The following IGF1 variants were observed in gnomAD, a reference collection of about 807,000 sequenced individuals.
The protein encoded by IGF1 is insulin-like growth factor 1.
IGF1 carries 4 observed loss-of-function variants against 13.8 expected under a neutral mutation model. The observed-to-expected ratio is 0.29, with a 90% CI of 0.14 to 0.66. The LOEUF is 0.66. Ranked by LOEUF, IGF1 falls within the 30% of genes least tolerant of loss-of-function variation. The probability of loss-of-function intolerance (pLI) is 0.78; values close to 1 mark genes in which losing one functional copy is unlikely to be tolerated. For synonymous variants in IGF1, 76 were observed against 72.6 expected, an observed-to-expected ratio of 1.05 and a Z score of -0.23; for missense variants, 124 against 188.5, an observed-to-expected ratio of 0.66 and a Z score of 2.00.
At chr12:102,432,448 A>G (rs1052794308) in intron 2 of IGF1, among the ~76,000 whole-genome samples, 2 of 152,212 alleles carry the variant, frequency 1.3e-5, no homozygotes. Context: ...GTATTATCAG[A>G]CAATCCTATT....
chr12:102,475,891 C>G, intron 1 of IGF1, 92 bp from the exon 2 acceptor site: 2 of 1,298,574 alleles, frequency 1.5e-6, no homozygotes, highest in Non-Finnish European at 2.2e-6. Context: ...CCCACGATTC[C>G]ACGACTGTCA....
intron 2 of IGF1, among the ~76,000 whole-genome samples, chr12:102,462,203 C>T (rs943453037): frequency 6.6e-6 from 1 of 152,182 alleles, no homozygotes; most frequent in Non-Finnish European, 1.5e-5. Flanking sequence ...ACCAATTAGC[C>T]CGTTGTAAAC....
chr12:102,437,304 A>G (rs770975979), intron 2 of IGF1, among the ~76,000 whole-genome samples: 80 of 152,190 alleles, frequency 5.3e-4, no homozygotes, highest in Non-Finnish European at 1.0e-3. Context: ...TATTAGCACC[A>G]CTTGTGTGGT....
chr12:102,450,620 G>A (rs1183017787), intron 2 of IGF1, among the ~76,000 whole-genome samples: 1 of 152,142 alleles, frequency 6.6e-6, no homozygotes, highest in East Asian at 1.9e-4. Context: ...TTTCTGTGTT[G>A]GCAAATACAG....
chr12:102,423,016 A>G (rs1555240668), intron 2 of IGF1: 1 of 152,188 alleles, frequency 6.6e-6, no homozygotes, highest in Non-Finnish European at 1.5e-5. Flanking sequence ...AGATCCTAGC[A>G]GAAGATTCCT....
intron 3 of IGF1, among the ~76,000 whole-genome samples, chr12:102,405,365 G>C (rs1282334922): frequency 6.6e-6 from 1 of 152,016 alleles, no homozygotes; most frequent in Non-Finnish European, 1.5e-5. Context: ...TGGGATTACA[G>C]GCATGAGCCA....
intron 2 of IGF1, among the ~76,000 whole-genome samples, chr12:102,474,249 A>G (rs1337951730): frequency 1.3e-5 from 2 of 152,214 alleles, no homozygotes; most frequent in Non-Finnish European, 2.9e-5. Context: ...GCACTCATTC[A>G]TCTGCTCTGC....
At chr12:102,430,426 T>C (rs537946076) in intron 2 of IGF1, among the ~76,000 whole-genome samples, 7 of 152,284 alleles carry the variant, frequency 4.6e-5, no homozygotes, top group Non-Finnish European at 7.3e-5. Flanking sequence ...TTTAGTAACC[T>C]TTAGGCTGAC....
At chr12:102,449,807 A>G (rs888685592) in intron 2 of IGF1, among the ~76,000 whole-genome samples, 4 of 151,834 alleles carry the variant, frequency 2.6e-5, no homozygotes, top group African/African-American at 9.7e-5. Context: ...TTCTACCTCT[A>G]TTCTTGACAC....
Position 102,475,689 on chromosome 12 carries a change from C to G in IGF1, c.174G>C (p.Leu58=). 1.2e-6 allele frequency: 2 copies of G among 1,614,234 alleles called. No individual in the cohort carries two copies. Among genetic ancestry groups the G allele is most frequent in the Non-Finnish European group, 1.7e-6 (2 of 1,180,048 alleles). ...CACACACGAACTGAAGAGCATCCACCAGCTCAGCCCCGCAGAGCGTCTCCG... is the reference window on the plus strand; with the variant it reads ...CACACACGAACTGAAGAGCATCCACGAGCTCAGCCCCGCAGAGCGTCTCCG... ...AGPETLCGAE[L]VDALQFVCGD... The change falls in exon 2 of 4, where the codon CTG becomes CTC. Residue 58 remains leucine, a synonymous_variant. Coordinates refer to ENST00000337514, the MANE Select transcript of IGF1 (RefSeq NM_000618.5).
chr12:102,430,612 G>T (rs1165138747), intron 2 of IGF1, among the ~76,000 whole-genome samples: 1 of 152,166 alleles, frequency 6.6e-6, no homozygotes, highest in Middle Eastern at 3.2e-3. Context: ...TTAAAAAAAA[G>T]AATTTTAGTA....
intron 2 of IGF1, among the ~76,000 whole-genome samples, chr12:102,437,339 T>G (rs981227557): frequency 1.3e-5 from 2 of 152,066 alleles, no homozygotes; most frequent in Non-Finnish European, 2.9e-5. Flanking sequence ...GCTTGAGAGG[T>G]GGTAGGATGC....
rs17884998 is a variant in IGF1, at chr12:102,408,577, A to G, written c.403-6011T>C. 1.5e-3 allele frequency among the ~76,000 whole-genome samples: 223 copies of G among 151,992 alleles called. 1 individual carries two copies. The highest frequency in any genetic ancestry group is 6.8e-3 in the Middle Eastern group (2 of 292). ...CATCACGTTTTTTTCTGGAAACCTC[A>G]CCCCACTTTTTATGTGGTTGTAGGA... is the stretch of plus-strand genomic sequence containing the variant. On this transcript the variant is annotated intron_variant, in intron 3 of 3. Transcript: ENST00000337514.
chr12:102,470,328 C>T (rs377578903), intron 2 of IGF1, among the ~76,000 whole-genome samples: 5 of 152,284 alleles, frequency 3.3e-5, no homozygotes, highest in East Asian at 1.9e-4. Context: ...TTGAACCCTT[C>T]GCTCTCCTGT....
intron 2 of IGF1, among the ~76,000 whole-genome samples, chr12:102,470,632 T>A (rs889476434): frequency 2.0e-5 from 3 of 152,148 alleles, no homozygotes; most frequent in Admixed American, 2.0e-4. Flanking sequence ...CCACAGCTAG[T>A]GACTGTACCC....
At chr12:102,475,507 TGAG>T in intron 2 of IGF1, 133 bp downstream of exon 2, 1 of 980,250 alleles carries the variant, frequency 1.0e-6, no homozygotes, top group Non-Finnish European at 1.6e-6. Flanking sequence ...TACTTTAAGG[TGAG>T]GAATCTCAGA....
In IGF1 at chr12:102,399,512, G is replaced by GTA. The variant is rs1385462950; in HGVS notation, c.*2993_*2994dup. On this transcript the variant is annotated 3_prime_UTR_variant, in exon 4 of 4. Transcript: ENST00000337514. ...ATGAAATCTGAGTCATTCTGCTGTA[G>GTA]TATATAGTAATCAACTGACTTCCAG... 1 of 152,080 alleles carries GTA rather than the reference G, an allele frequency of 6.6e-6. No homozygotes were observed. The highest frequency in any genetic ancestry group is 2.1e-4 in the South Asian group (1 of 4,832). 9.4% of individuals were successfully genotyped at this position (152,080 alleles called of 1,614,324 possible).
intron 2 of IGF1, among the ~76,000 whole-genome samples, chr12:102,446,691 T>G (rs1878362626): frequency 6.6e-6 from 1 of 150,476 alleles, no homozygotes; most frequent in Admixed American, 6.6e-5. Context: ...ATTCCTGAAT[T>G]TTTTGAAGGG....
chr12:102,454,593 G>A (rs967108368), intron 2 of IGF1, among the ~76,000 whole-genome samples: 2 of 152,224 alleles, frequency 1.3e-5, no homozygotes, highest in African/African-American at 2.4e-5. Flanking sequence ...CACTCTCCAT[G>A]AAGCTCCCAA....
Sources: gnomAD v4.1 joint callset for allele counts (sites outside exome capture counted in the v4.1 genomes callset) on GRCh38, gnomAD v4.1.1 for gene constraint, MANE v1.5 for transcripts, NCBI Gene and HGNC (gene_info 2026-07-23, HGNC 2026-07-21) for gene names.